The following GPCPD1 variants were observed in gnomAD, a reference collection of about 807,000 sequenced individuals.
The protein encoded by GPCPD1 is glycerophosphocholine phosphodiesterase 1.
A neutral mutation model predicts 89.2 loss-of-function variants in GPCPD1; 29 were observed. The ratio of observed to expected loss-of-function variants is 0.33; its 90% CI spans 0.24 to 0.44. The LOEUF (loss-of-function observed/expected upper bound fraction) is 0.44. GPCPD1 is among the 20% of genes least tolerant of loss of function. GPCPD1 has a pLI of 1.00. For missense variants in GPCPD1, 594 were observed against 808.9 expected (o/e 0.73, Z 3.22); for synonymous variants, 258 against 266.3 (o/e 0.97, Z 0.30).
chr20:5,563,600 C>T (rs1986212653), intron 15 of GPCPD1, among the ~76,000 whole-genome samples: 1 of 152,078 alleles, frequency 6.6e-6, no homozygotes, highest in Admixed American at 6.6e-5. Flanking sequence ...CCTCAACCTC[C>T]TGAGCTTAAA....
At chr20:5,593,474 T>G (rs1316933641) in intron 3 of GPCPD1, 63 bp from the exon 4 acceptor site, 1 of 849,032 alleles carries the variant, frequency 1.2e-6, no homozygotes, top group Non-Finnish European at 2.0e-6. Flanking sequence ...TAAAGACTTC[T>G]TAATTCACAA....
chr20:5,602,048 T>C (rs1980196112), intron 2 of GPCPD1, among the ~76,000 whole-genome samples: 1 of 152,222 alleles, frequency 6.6e-6, no homozygotes, highest in East Asian at 1.9e-4. Flanking sequence ...TTGTACTTGT[T>C]TCCCCCAAGG....
At chr20:5,601,110 G>T (rs565074722) in intron 2 of GPCPD1, among the ~76,000 whole-genome samples, 4 of 151,902 alleles carry the variant, frequency 2.6e-5, no homozygotes, top group Non-Finnish European at 5.9e-5. Flanking sequence ...AACCTGGGGG[G>T]AGGTAGAGGT....
At chr20:5,589,567 C>G (rs771592811) in intron 4 of GPCPD1, among the ~76,000 whole-genome samples, 12 of 152,136 alleles carry the variant, frequency 7.9e-5, no homozygotes, top group Non-Finnish European at 1.6e-4. Flanking sequence ...AGCCATTACA[C>G]TCCAGCCTGG....
chr20:5,549,012 C>G, intron 19 of GPCPD1: 1 of 703,428 alleles, frequency 1.4e-6, no homozygotes, highest in South Asian at 1.5e-5. Flanking sequence ...GCAAACCTGC[C>G]GCTGATCTCT....
chr20:5,560,972 T>C (rs1293378573), intron 16 of GPCPD1, among the ~76,000 whole-genome samples: 2 of 152,228 alleles, frequency 1.3e-5, no homozygotes, highest in African/African-American at 4.8e-5. Context: ...CCCGAGCACT[T>C]GGAAAATGCC....
chr20:5,587,130 T>C (rs1978981011), intron 4 of GPCPD1, among the ~76,000 whole-genome samples: 1 of 152,224 alleles, frequency 6.6e-6, no homozygotes, highest in South Asian at 2.1e-4. Flanking sequence ...AATTTTCCTT[T>C]AATTTTTAAA....
Position 5,550,987 on chromosome 20 carries a change from A to C in GPCPD1, c.1830-3137T>G, listed in dbSNP as rs527587721. On this transcript the variant is annotated intron_variant, in intron 19 of 19. Transcript: ENST00000379019. ...GAGAGACACTGTCACTCTAGCAGCTATGTTAACCTAAGAACAGAGTGCCCT... is the reference window on the plus strand; with the variant it reads ...GAGAGACACTGTCACTCTAGCAGCTCTGTTAACCTAAGAACAGAGTGCCCT... Among the ~76,000 whole-genome samples, 318 of 152,282 alleles carry C rather than the reference A, an allele frequency of 2.1e-3. 1 individual carries two copies. The highest frequency in any genetic ancestry group is 3.9e-3 in the Non-Finnish European group (267 of 68,012).
rs11479995 is a variant in GPCPD1, at chr20:5,581,814, C to CTTTTT, written c.350-1688_350-1684dup. 3.9e-3 allele frequency among the ~76,000 whole-genome samples: 295 copies of CTTTTT among 75,004 alleles called. 42 individuals carry two copies. The highest frequency in any genetic ancestry group is 0.014 in the East Asian group (27 of 1,992). The allele number at this position is 75,004 out of a possible 152,430, so 49.2% of individuals were successfully genotyped here. The stretch of plus-strand genomic sequence containing the variant: ...ATGCTTAATAATTGTGGGACTTTAA[C>CTTTTT]TTTTTTTTTTTTTTTTTTTTTTTTT... On this transcript the variant is annotated intron_variant, in intron 6 of 19. Coordinates refer to ENST00000379019, the MANE Select transcript of GPCPD1 (RefSeq NM_019593.5).
At chr20:5,550,710 A>G (rs780122540) in intron 19 of GPCPD1, among the ~76,000 whole-genome samples, 3 of 152,268 alleles carry the variant, frequency 2.0e-5, no homozygotes, top group Non-Finnish European at 4.4e-5. Flanking sequence ...AGTTCTATAC[A>G]CAGCCATGAT....
intron 16 of GPCPD1, 60 bp from the exon 17 acceptor site, chr20:5,560,136 T>A (rs1986006568): frequency 8.2e-6 from 10 of 1,218,546 alleles, no homozygotes; most frequent in Non-Finnish European, 1.1e-5. Flanking sequence ...TGCTAGCAAC[T>A]CTGTTTTTAT....
At chr20:5,598,068 G>A (rs1260680123) in intron 3 of GPCPD1, among the ~76,000 whole-genome samples, 1 of 152,000 alleles carries the variant, frequency 6.6e-6, no homozygotes, top group Non-Finnish European at 1.5e-5. Flanking sequence ...CCAGACAAAT[G>A]TTAATGCCTT....
intron 6 of GPCPD1, 125 bp downstream of exon 6, chr20:5,584,156 C>A (rs756406197): frequency 2.2e-4 from 121 of 540,850 alleles, no homozygotes; most frequent in Non-Finnish European, 3.5e-4. Context: ...CTGTCTTTGA[C>A]CAAAATATCG....
intron 1 of GPCPD1, among the ~76,000 whole-genome samples, chr20:5,609,480 A>G (rs560060360): frequency 3.7e-4 from 57 of 152,208 alleles, no homozygotes; most frequent in Non-Finnish European, 7.2e-4. Flanking sequence ...TCCTTGATCA[A>G]CTTTCTAAAC....
At chr20:5,590,757 A>G (rs973253704) in intron 4 of GPCPD1, among the ~76,000 whole-genome samples, 2 of 152,192 alleles carry the variant, frequency 1.3e-5, no homozygotes, top group African/African-American at 4.8e-5. Context: ...TATCTATCGC[A>G]GGTGACTGAT....
chr20:5,567,837 A>G (rs1986481090), intron 12 of GPCPD1: 1 of 280,970 alleles, frequency 3.6e-6, no homozygotes, highest in Non-Finnish European at 6.6e-6. Flanking sequence ...GTAGCGCTGA[A>G]GACAGCTGAG....
At chr20:5,559,327 C>A (rs1407453066) in intron 17 of GPCPD1, among the ~76,000 whole-genome samples, 1 of 152,224 alleles carries the variant, frequency 6.6e-6, no homozygotes, top group Non-Finnish European at 1.5e-5. Flanking sequence ...GTGGCTCATG[C>A]CTGTAATCCA....
chr20:5,582,266 T>C, intron 6 of GPCPD1, among the ~76,000 whole-genome samples: 1 of 148,308 alleles, frequency 6.7e-6, no homozygotes, highest in South Asian at 2.1e-4. Flanking sequence ...AAATATTACT[T>C]ATGAAGTACT....
At chr20:5,579,853 C>T (rs1024930148) in intron 7 of GPCPD1, among the ~76,000 whole-genome samples, 155 bp downstream of exon 7, 5 of 152,126 alleles carry the variant, frequency 3.3e-5, no homozygotes, top group African/African-American at 1.2e-4. Context: ...GCAATCTGAG[C>T]GGGGATAAGT....
Sources: allele counts gnomAD v4.1 joint callset (sites outside exome capture counted in the v4.1 genomes callset), GRCh38; gene constraint gnomAD v4.1.1; transcripts MANE v1.5; gene names NCBI Gene and HGNC (gene_info 2026-07-23, HGNC 2026-07-21).